The following UBE2D2 variants were observed in gnomAD, a reference collection of about 807,000 sequenced individuals.
UBE2D2 encodes the protein ubiquitin-conjugating enzyme E2 D2.
UBE2D2 carries 2 observed loss-of-function variants against 24.2 expected under a neutral mutation model. That is an observed-to-expected ratio of 0.08 (90% CI 0.03 to 0.26). The LOEUF is 0.26. Among genes scored for constraint, UBE2D2 ranks in the 10% least tolerant of loss-of-function variants. The pLI is 1.00. For synonymous variants in UBE2D2, 58 were observed against 56.5 expected (o/e 1.03, Z -0.12); for missense variants, 44 against 177.6 (o/e 0.25, Z 4.28).
intron 1 of UBE2D2, among the ~76,000 whole-genome samples, chr5:139,581,816 G>T (rs191938803): frequency 6.6e-6 from 1 of 151,800 alleles, no homozygotes; most frequent in African/African-American, 2.4e-5. Context: ...TTACAGGCGC[G>T]CGCCACCATG....
chr5:139,551,022 T>G (rs1023216343), intron 1 of UBE2D2, among the ~76,000 whole-genome samples: 4 of 152,028 alleles, frequency 2.6e-5, no homozygotes, highest in African/African-American at 4.8e-5. Context: ...AAAGCACAAG[T>G]GTGCATACCA....
chr5:139,625,051 C>CT (rs141886052), intron 6 of UBE2D2, among the ~76,000 whole-genome samples: 1,677 of 151,362 alleles, frequency 0.011, 36 homozygotes, highest in African/African-American at 0.039. Context: ...CCCCCACCCT[C>CT]TAACCCCCCA....
intron 2 of UBE2D2, among the ~76,000 whole-genome samples, chr5:139,613,514 A>G (rs1441436536): frequency 6.6e-6 from 1 of 152,216 alleles, no homozygotes; most frequent in Non-Finnish European, 1.5e-5. Context: ...TTATTGAACA[A>G]GTTTATAACT....
chr5:139,620,868 A>T (rs1272715520), intron 5 of UBE2D2, among the ~76,000 whole-genome samples: 1 of 152,220 alleles, frequency 6.6e-6, no homozygotes, highest in Non-Finnish European at 1.5e-5. Context: ...GAAGGATTTA[A>T]ATTTATTTTG....
At chr5:139,614,413 C>G (rs1754383287) in intron 2 of UBE2D2, among the ~76,000 whole-genome samples, 173 bp from the exon 3 acceptor site, 1 of 152,098 alleles carries the variant, frequency 6.6e-6, no homozygotes, top group African/African-American at 2.4e-5. Context: ...CTAGGCCATT[C>G]TAGTCATTTT....
intron 1 of UBE2D2, among the ~76,000 whole-genome samples, chr5:139,564,344 G>A (rs1266827232): frequency 6.6e-6 from 1 of 152,008 alleles, no homozygotes. Context: ...AGTAGAAACG[G>A]GGTTTCACCA....
At chr5:139,575,223 A>G (rs1384141279) in intron 1 of UBE2D2, among the ~76,000 whole-genome samples, 2 of 152,116 alleles carry the variant, frequency 1.3e-5, no homozygotes, top group Non-Finnish European at 2.9e-5. Flanking sequence ...AGTGAACAAC[A>G]TGTTGGGCTT....
chr5:139,585,935 C>CAAAAAAA (rs60277561), intron 1 of UBE2D2, among the ~76,000 whole-genome samples: 18 of 25,540 alleles, frequency 7.0e-4, no homozygotes, highest in East Asian at 1.3e-3. Context: ...GACTCTGTCT[C>CAAAAAAA]AAAAAAAAAA....
At chr5:139,542,554 C>G (rs979688590) in intron 1 of UBE2D2, among the ~76,000 whole-genome samples, 2 of 152,100 alleles carry the variant, frequency 1.3e-5, no homozygotes, top group African/African-American at 4.8e-5. Flanking sequence ...CCCCTGACCT[C>G]AAATCATCAG....
intron 2 of UBE2D2, chr5:139,612,081 C>A: frequency 5.8e-6 from 1 of 172,714 alleles, no homozygotes; most frequent in Non-Finnish European, 1.3e-5. Context: ...ATGAGTTACA[C>A]ATAAGTTGGT....
At chr5:139,564,828 C>T (rs1393410637) in intron 1 of UBE2D2, among the ~76,000 whole-genome samples, 1 of 152,174 alleles carries the variant, frequency 6.6e-6, no homozygotes, top group African/African-American at 2.4e-5. Context: ...CAAAGTATGG[C>T]TTGACTTCTC....
chr5:139,553,837 A>G (rs1056788837), intron 1 of UBE2D2, among the ~76,000 whole-genome samples: 1 of 152,046 alleles, frequency 6.6e-6, no homozygotes, highest in Admixed American at 6.6e-5. Flanking sequence ...TGGGCTGCAG[A>G]GGCGCGATCT....
At chr5:139,545,394 A>T (rs1413101931) in intron 1 of UBE2D2, among the ~76,000 whole-genome samples, 3 of 140,076 alleles carry the variant, frequency 2.1e-5, no homozygotes, top group African/African-American at 5.3e-5. Context: ...TTTTTTTACT[A>T]TTGCGTGTTA....
intron 1 of UBE2D2, among the ~76,000 whole-genome samples, chr5:139,570,108 T>C (rs1753318772): frequency 6.6e-6 from 1 of 151,918 alleles, no homozygotes; most frequent in Admixed American, 6.6e-5. Flanking sequence ...CGAAACAAAG[T>C]GAAACAAAAT....
chr5:139,542,630 A>C (rs1752774838), intron 1 of UBE2D2, among the ~76,000 whole-genome samples: 1 of 151,962 alleles, frequency 6.6e-6, no homozygotes, highest in African/African-American at 2.4e-5. Context: ...ATGGCATGAC[A>C]TAGTTTTGAC....
chr5:139,561,195 T>TGGC (rs1339306425), upstream of UBE2D2: 2 of 152,564 alleles, frequency 1.3e-5, no homozygotes, highest in Admixed American at 1.3e-4. Flanking sequence ...TCCGGGGCCG[T>TGGC]GGCGGCGACG....
chr5:139,558,961 C>G (rs1351618589), upstream of UBE2D2, among the ~76,000 whole-genome samples: 1 of 152,016 alleles, frequency 6.6e-6, no homozygotes, highest in Non-Finnish European at 1.5e-5. Flanking sequence ...GCTACCATAC[C>G]TGGCTAATTT....
chr5:139,579,032 A>G (rs1753541310), intron 1 of UBE2D2, among the ~76,000 whole-genome samples: 1 of 152,204 alleles, frequency 6.6e-6, no homozygotes, highest in Non-Finnish European at 1.5e-5. Context: ...TAGTGGCACA[A>G]TCTCAGCTCA....
intron 1 of UBE2D2, among the ~76,000 whole-genome samples, chr5:139,584,303 G>T (rs1753669227): frequency 6.6e-6 from 1 of 152,166 alleles, no homozygotes; most frequent in South Asian, 2.1e-4. Context: ...CAATAAGGCT[G>T]TATACCATGT....
Sources: gnomAD v4.1 joint callset for allele counts (sites outside exome capture counted in the v4.1 genomes callset) on GRCh38, gnomAD v4.1.1 for gene constraint, MANE v1.5 for transcripts, NCBI Gene and HGNC (gene_info 2026-07-23, HGNC 2026-07-21) for gene names.